The following PRKD1 variants were observed in gnomAD, a reference collection of about 807,000 sequenced individuals.
The protein encoded by PRKD1 is serine/threonine-protein kinase D1.
In PRKD1, 63 loss-of-function variants were observed where a neutral mutation model predicts 95.9. The ratio of observed to expected loss-of-function variants is 0.66; its 90% CI spans 0.54 to 0.81. PRKD1 has a LOEUF of 0.81. PRKD1 is among the 30% of genes least tolerant of loss of function. The probability of loss-of-function intolerance (pLI) is 0.00; values close to 1 mark genes in which losing one functional copy is unlikely to be tolerated. For synonymous variants in PRKD1, 425 were observed against 423.1 expected (o/e 1.00, Z -0.05); for missense variants, 1,048 against 1,165.3 (o/e 0.90, Z 1.47).
At chr14:29,900,280 G>C (rs1894276255) in intron 1 of PRKD1, among the ~76,000 whole-genome samples, 1 of 152,196 alleles carries the variant, frequency 6.6e-6, no homozygotes, top group African/African-American at 2.4e-5. Context: ...AGGTTAGTCA[G>C]AAAGCAAGTG....
intron 13 of PRKD1, among the ~76,000 whole-genome samples, chr14:29,616,144 C>G (rs760633628): frequency 7.1e-6 from 1 of 140,318 alleles, no homozygotes; most frequent in Non-Finnish European, 1.5e-5. Context: ...GATAGAGGAG[C>G]TAGCAAGGAA....
At chr14:29,709,800 G>A (rs973789898) in intron 2 of PRKD1, among the ~76,000 whole-genome samples, 2 of 152,052 alleles carry the variant, frequency 1.3e-5, no homozygotes, top group Admixed American at 6.5e-5. Flanking sequence ...ACATCAAGGA[G>A]GGCAATCTAC....
At chr14:29,674,960 G>T (rs1883070649) in intron 2 of PRKD1, among the ~76,000 whole-genome samples, 1 of 152,170 alleles carries the variant, frequency 6.6e-6, no homozygotes, top group Non-Finnish European at 1.5e-5. Flanking sequence ...TTCGATTCAT[G>T]AACAACAAAA....
intron 1 of PRKD1, among the ~76,000 whole-genome samples, chr14:29,785,798 T>C (rs1402723528): frequency 6.6e-6 from 1 of 150,972 alleles, no homozygotes; most frequent in Non-Finnish European, 1.5e-5. Flanking sequence ...ATTGTGCACA[T>C]GTACCCTAAA....
chr14:29,643,229 A>G (rs1489545475), intron 4 of PRKD1, among the ~76,000 whole-genome samples: 1 of 152,016 alleles, frequency 6.6e-6, no homozygotes, highest in African/African-American at 2.4e-5. Flanking sequence ...GATTTGGCAA[A>G]TTATATATGA....
intron 2 of PRKD1, among the ~76,000 whole-genome samples, chr14:29,718,338 T>G (rs1246326273): frequency 1.3e-5 from 2 of 152,144 alleles, no homozygotes; most frequent in East Asian, 3.9e-4. Context: ...CTTCTGCTAC[T>G]GCCATGTGAA....
At chr14:29,808,886 C>T (rs1890362248) in intron 1 of PRKD1, among the ~76,000 whole-genome samples, 1 of 152,162 alleles carries the variant, frequency 6.6e-6, no homozygotes, top group African/African-American at 2.4e-5. Flanking sequence ...AATGGTGATT[C>T]CTATCCAAAA....
intron 4 of PRKD1, among the ~76,000 whole-genome samples, chr14:29,653,126 G>A (rs1236373866): frequency 2.0e-5 from 3 of 152,140 alleles, no homozygotes; most frequent in African/African-American, 7.2e-5. Flanking sequence ...AAACCTGTAT[G>A]AAAATAATAG....
At chr14:29,847,993 A>G (rs1892151231) in intron 1 of PRKD1, among the ~76,000 whole-genome samples, 1 of 151,994 alleles carries the variant, frequency 6.6e-6, no homozygotes, top group South Asian at 2.1e-4. Context: ...GGTCTTACAT[A>G]ATTATTTTGG....
intron 4 of PRKD1, among the ~76,000 whole-genome samples, chr14:29,655,619 C>T (rs1881787191): frequency 6.6e-6 from 1 of 152,134 alleles, no homozygotes; most frequent in South Asian, 2.1e-4. Flanking sequence ...TTGTTGGATG[C>T]TCTAATACTT....
intron 1 of PRKD1, among the ~76,000 whole-genome samples, chr14:29,729,431 C>T (rs1329478717): frequency 6.6e-6 from 1 of 152,050 alleles, no homozygotes; most frequent in South Asian, 2.1e-4. Context: ...CCATTTCATT[C>T]AAGTTGTCAA....
At chr14:29,648,701 C>G (rs554462653) in intron 4 of PRKD1, among the ~76,000 whole-genome samples, 2 of 152,082 alleles carry the variant, frequency 1.3e-5, no homozygotes, top group South Asian at 4.2e-4. Context: ...GTTGCCCAGG[C>G]TAGAGTGCAG....
At chr14:29,806,207 A>G (rs1890226769) in intron 1 of PRKD1, among the ~76,000 whole-genome samples, 1 of 152,224 alleles carries the variant, frequency 6.6e-6, no homozygotes, top group Admixed American at 6.5e-5. Flanking sequence ...TAAATATGCA[A>G]TTTACAGATT....
intron 13 of PRKD1, among the ~76,000 whole-genome samples, chr14:29,618,496 TC>T (rs1279654649): frequency 1.3e-5 from 2 of 152,166 alleles, no homozygotes; most frequent in African/African-American, 2.4e-5. Flanking sequence ...CCTCAGGTGA[TC>T]CGGCTGCCTC....
chr14:29,837,119 C>T (rs1891639508), intron 1 of PRKD1, among the ~76,000 whole-genome samples: 1 of 152,032 alleles, frequency 6.6e-6, no homozygotes, highest in Admixed American at 6.6e-5. Flanking sequence ...GGTCATGCAC[C>T]TCCACACCAT....
intron 1 of PRKD1, among the ~76,000 whole-genome samples, chr14:29,726,961 G>T (rs1023880043): frequency 1.3e-5 from 2 of 152,068 alleles, no homozygotes; most frequent in Non-Finnish European, 1.5e-5. Context: ...CTAGATCCCT[G>T]AGGAATCGCC....
intron 1 of PRKD1, among the ~76,000 whole-genome samples, chr14:29,763,761 T>G (rs1025252252): frequency 6.6e-6 from 1 of 152,086 alleles, no homozygotes; most frequent in African/African-American, 2.4e-5. Flanking sequence ...AGACTCCTCT[T>G]TTTGCAGCTG....
chr14:29,682,833 G>A (rs762669627), intron 2 of PRKD1, among the ~76,000 whole-genome samples: 27 of 152,158 alleles, frequency 1.8e-4, no homozygotes, highest in Non-Finnish European at 3.4e-4. Context: ...CTGGGAGGAG[G>A]CAGGCATTCT....
intron 1 of PRKD1, among the ~76,000 whole-genome samples, chr14:29,868,899 G>C (rs950094903): frequency 3.9e-5 from 6 of 152,014 alleles, no homozygotes; most frequent in Admixed American, 6.6e-5. Context: ...AATACACTTA[G>C]GGAGAAATCA....
Sources: allele counts gnomAD v4.1 joint callset (sites outside exome capture counted in the v4.1 genomes callset), GRCh38; gene constraint gnomAD v4.1.1; transcripts MANE v1.5; gene names NCBI Gene and HGNC (gene_info 2026-07-23, HGNC 2026-07-21).